PRDM15: variants seen among roughly 807,000 people sequenced by gnomAD.
PRDM15 encodes the protein PR domain zinc finger protein 15.
A neutral mutation model predicts 128.6 loss-of-function variants in PRDM15; 64 were observed. The ratio of observed to expected loss-of-function variants is 0.50; its 90% CI spans 0.41 to 0.61. The LOEUF is 0.61. Ranked by LOEUF, PRDM15 falls within the 20% of genes least tolerant of loss-of-function variation. PRDM15 has a pLI of 0.00. For missense variants in PRDM15, 1,242 were observed against 1,569.1 expected, an observed-to-expected ratio of 0.79 and a Z score of 3.52; for synonymous variants, 615 against 621.8, an observed-to-expected ratio of 0.99 and a Z score of 0.16.
intron 18 of PRDM15, among the ~76,000 whole-genome samples, chr21:41,816,943 G>C (rs761352627): frequency 6.7e-6 from 1 of 149,804 alleles, no homozygotes; most frequent in African/African-American, 2.5e-5. Context: ...CCAGACCCCA[G>C]CACTTCCCTC....
chr21:41,847,004 G>T, intron 6 of PRDM15, 86 bp downstream of exon 6: 2 of 889,402 alleles, frequency 2.2e-6, no homozygotes, highest in South Asian at 1.6e-5. Context: ...GGGACATCCC[G>T]ACAGCCGCAG....
chr21:41,862,181 C>G lies in PRDM15; in HGVS notation c.-9-1809G>C, dbSNP rs936019448. 6.6e-6 allele frequency among the ~76,000 whole-genome samples: 1 copy of G among 152,158 alleles called. No homozygotes were observed. The highest frequency in any genetic ancestry group is 2.1e-4 in the South Asian group (1 of 4,830). On this transcript the variant is annotated intron_variant, in intron 1 of 23. Transcript: ENST00000398548. The surrounding 1 kb of genome is among the most constrained non-coding windows in gnomAD (Gnocchi z 4.1). Reference sequence around the variant, plus strand: ...CTGGAGGTGTAGGACCTGCGTGCCCCCTGCAGGAACCCACGTGACTCACGG... The same window carrying G: ...CTGGAGGTGTAGGACCTGCGTGCCCGCTGCAGGAACCCACGTGACTCACGG...
intron 1 of PRDM15, among the ~76,000 whole-genome samples, chr21:41,864,237 C>T (rs1163925285): frequency 4.6e-5 from 7 of 152,124 alleles, no homozygotes; most frequent in African/African-American, 1.2e-4. Context: ...AACTGGGCAT[C>T]CACAGTTCAT....
Position 41,801,234 on chromosome 21 carries a change from C to T in PRDM15, c.*6G>A, listed in dbSNP as rs747462595. ...AGTTCTTGCCCCGAGTCTCCCGGAA[C>T]GCAGCTCAGTAGCTGTACATCTGCT... On this transcript the variant is annotated 3_prime_UTR_variant, in exon 24 of 24. Coordinates refer to ENST00000398548, the MANE Select transcript of PRDM15 (RefSeq NM_001040424.3). The T allele has an allele frequency of 4.0e-6, 6 of 1,514,120 alleles. No individual in the cohort carries two copies. Among genetic ancestry groups the T allele is most frequent in the Admixed American group, 2.2e-5 (1 of 44,800 alleles). 93.8% of individuals were successfully genotyped at this position (1,514,120 alleles called of 1,614,324 possible). A position where few individuals can be genotyped will look rare whatever the true frequency, so the allele number is the denominator to read the frequency against.
At chr21:41,867,061 G>A (rs1277959175) in intron 1 of PRDM15, among the ~76,000 whole-genome samples, 2 of 152,208 alleles carry the variant, frequency 1.3e-5, no homozygotes, top group Non-Finnish European at 2.9e-5. Context: ...CCCAGACAGG[G>A]CTAAGGGAGC....
intron 13 of PRDM15, among the ~76,000 whole-genome samples, chr21:41,824,283 T>C (rs2062389941): frequency 6.6e-6 from 1 of 152,216 alleles, no homozygotes; most frequent in Non-Finnish European, 1.5e-5. Flanking sequence ...TGACTTGGGC[T>C]GACAGCGCTG....
Position 41,854,535 on chromosome 21 carries a change from G to A in PRDM15, c.538+31C>T. ...ACCCCTTCGGCGAGGCACAAGGGAA[G>A]GTGGGCTCCGGATCGGGGGCCGCCA... On this transcript the variant is annotated intron_variant, in intron 5 of 23. Coordinates refer to ENST00000398548, the MANE Select transcript of PRDM15 (RefSeq NM_001040424.3). The surrounding 1 kb of genome is among the most constrained non-coding windows in gnomAD (Gnocchi z 4.6). 2 of 1,609,322 alleles carry A rather than the reference G, an allele frequency of 1.2e-6. No homozygotes were observed. The highest frequency in any genetic ancestry group is 2.2e-5 in the South Asian group (2 of 91,024).
chr21:41,863,572 C>T, intron 1 of PRDM15, among the ~76,000 whole-genome samples: 1 of 151,946 alleles, frequency 6.6e-6, no homozygotes, highest in Admixed American at 6.6e-5. Context: ...AGACCAGGAC[C>T]ATCTGCATCT....
chr21:41,840,966 G>T (rs2063058005), intron 6 of PRDM15, among the ~76,000 whole-genome samples: 1 of 152,136 alleles, frequency 6.6e-6, no homozygotes, highest in Admixed American at 6.5e-5. Context: ...GAGCTGCAAA[G>T]ATTACCCAGA....
chr21:41,801,089 G>A lies in PRDM15; in HGVS notation c.*151C>T. 1.8e-6 allele frequency: 2 copies of A among 1,134,180 alleles called. No individual in the cohort carries two copies. Among genetic ancestry groups the A allele is most frequent in the African/African-American group, 1.5e-5 (1 of 64,668 alleles). The allele number at this position is 1,134,180 out of a possible 1,614,324, so 70.3% of individuals were successfully genotyped here. ...GTTAAGCTGACAGACCGTAATGGTT[G>A]CTGGCGGGGGATCTGGAGATACTCT... On this transcript the variant is annotated 3_prime_UTR_variant, in exon 24 of 24. Transcript: ENST00000398548.
intron 13 of PRDM15, among the ~76,000 whole-genome samples, chr21:41,824,738 C>T (rs2062407653): frequency 6.6e-6 from 1 of 152,258 alleles, no homozygotes; most frequent in African/African-American, 2.4e-5. Context: ...CTCCAGCCCA[C>T]AGTCCGGAGC....
chr21:41,840,684 T>TAC (rs2063048559), intron 6 of PRDM15, among the ~76,000 whole-genome samples: 2 of 151,098 alleles, frequency 1.3e-5, no homozygotes, highest in African/African-American at 4.9e-5. Flanking sequence ...AGCAGACACA[T>TAC]ACACACAAAC....
chr21:41,865,976 C>T (rs1441848578), intron 1 of PRDM15, among the ~76,000 whole-genome samples: 1 of 152,106 alleles, frequency 6.6e-6, no homozygotes, highest in Non-Finnish European at 1.5e-5. Flanking sequence ...AACTCCTGGC[C>T]TCAAGCAATC....
chr21:41,862,457 C>A lies in PRDM15; in HGVS notation c.-9-2085G>T, dbSNP rs1488938336. Among the ~76,000 whole-genome samples, 2 of 152,058 alleles carry A rather than the reference C, an allele frequency of 1.3e-5. No homozygotes were observed. Among genetic ancestry groups the A allele is most frequent in the Non-Finnish European group, 2.9e-5 (2 of 68,010 alleles). ...ACTGCCCACCCCTTCTAGGTGCCCCCAAAAAAGGTCCCCTCTGAGCGGAGC... is the reference window on the plus strand; with the variant it reads ...ACTGCCCACCCCTTCTAGGTGCCCCAAAAAAAGGTCCCCTCTGAGCGGAGC... On this transcript the variant is annotated intron_variant, in intron 1 of 23. Coordinates refer to ENST00000398548, the MANE Select transcript of PRDM15 (RefSeq NM_001040424.3). The surrounding 1 kb of genome is among the most constrained non-coding windows in gnomAD (Gnocchi z 4.1).
chr21:41,848,783 A>C (rs1259603838), intron 5 of PRDM15, among the ~76,000 whole-genome samples: 2 of 152,228 alleles, frequency 1.3e-5, no homozygotes, highest in African/African-American at 4.8e-5. Flanking sequence ...GGTAAAGAGG[A>C]CTAGAAAAAC....
intron 1 of PRDM15, among the ~76,000 whole-genome samples, chr21:41,876,935 G>C (rs886780568): frequency 6.6e-6 from 1 of 152,124 alleles, no homozygotes; most frequent in Non-Finnish European, 1.5e-5. Flanking sequence ...TGCAGACTCT[G>C]CCCCGCCACT....
At chr21:41,872,370 T>C (rs1178311635) in intron 1 of PRDM15, among the ~76,000 whole-genome samples, 1 of 152,226 alleles carries the variant, frequency 6.6e-6, no homozygotes, top group African/African-American at 2.4e-5. Flanking sequence ...CATTTCCCAG[T>C]ATGATTATAG....
chr21:41,821,699 G>T lies in PRDM15; in HGVS notation c.1896+204C>A, dbSNP rs1442628115. Among the ~76,000 whole-genome samples the T allele has an allele frequency of 6.6e-6, 1 of 152,244 alleles. No homozygotes were observed. Among genetic ancestry groups the T allele is most frequent in the South Asian group, 2.1e-4 (1 of 4,830 alleles). ...TGAGACCCACACAGACCGTCCCTGA[G>T]CACCAAGGTGACACAGGCTGGCCTT... On this transcript the variant is annotated intron_variant, in intron 15 of 23. Transcript: ENST00000398548. The surrounding 1 kb of genome is among the most constrained non-coding windows in gnomAD (Gnocchi z 5.4).
rs2061358121 is a variant in PRDM15, at chr21:41,798,939, T to C, written c.*2301A>G. On this transcript the variant is annotated 3_prime_UTR_variant, in exon 24 of 24. Coordinates refer to ENST00000398548, the MANE Select transcript of PRDM15 (RefSeq NM_001040424.3). ...ACAGTGACCCTATTAAGACCACGTA[T>C]GTTTACAGAAAACTTGGGAGTTTGA... 1 of 152,224 alleles carries C rather than the reference T, an allele frequency of 6.6e-6. No individual in the cohort carries two copies. The highest frequency in any genetic ancestry group is 1.5e-5 in the Non-Finnish European group (1 of 68,036). 9.4% of individuals were successfully genotyped at this position (152,224 alleles called of 1,614,324 possible).
Sources: gnomAD v4.1 joint callset for allele counts (sites outside exome capture counted in the v4.1 genomes callset) on GRCh38, gnomAD v4.1.1 for gene constraint, Gnocchi (gnomAD v3.1) non-coding constraint, MANE v1.5 for transcripts, NCBI Gene and HGNC (gene_info 2026-07-23, HGNC 2026-07-21) for gene names.